Variants in PPM1H observed in about 807,000 individuals in gnomAD.
The protein encoded by PPM1H is protein phosphatase 1H.
A neutral mutation model predicts 54.9 loss-of-function variants in PPM1H; 27 were observed. That is an observed-to-expected ratio of 0.49 (90% CI 0.36 to 0.68). PPM1H has a LOEUF of 0.68. Ranked by LOEUF, PPM1H falls within the 30% of genes least tolerant of loss-of-function variation. PPM1H has a pLI of 0.00. For synonymous variants in PPM1H, 305 were observed against 270.8 expected, an observed-to-expected ratio of 1.13 and a Z score of -1.24; for missense variants, 596 against 667.8, an observed-to-expected ratio of 0.89 and a Z score of 1.19.
At chr12:62,719,509 A>T (rs2076252680) in intron 6 of PPM1H, among the ~76,000 whole-genome samples, 1 of 152,206 alleles carries the variant, frequency 6.6e-6, no homozygotes, top group African/African-American at 2.4e-5. Flanking sequence ...CATATCTATC[A>T]GTCAGATAAA....
intron 1 of PPM1H, among the ~76,000 whole-genome samples, chr12:62,879,016 T>C (rs1870294127): frequency 6.6e-6 from 1 of 152,254 alleles, no homozygotes; most frequent in Admixed American, 6.5e-5. Flanking sequence ...TCAGAGCACC[T>C]GCGATGGCAA....
At chr12:62,874,567 C>A (rs1870096937) in intron 1 of PPM1H, among the ~76,000 whole-genome samples, 1 of 152,036 alleles carries the variant, frequency 6.6e-6, no homozygotes, top group Non-Finnish European at 1.5e-5. Context: ...TCCCCAAAGA[C>A]CACTGCAACA....
intron 9 of PPM1H, among the ~76,000 whole-genome samples, chr12:62,658,182 ATTTTTTTTTTTTTTTT>A (rs1173229360): frequency 3.4e-5 from 3 of 87,556 alleles, no homozygotes; most frequent in Non-Finnish European, 6.6e-5. Context: ...AACACGGTGA[ATTTTTTTTTTTTTTTT>A]TTTTTTTTTT....
At chr12:62,857,014 T>C (rs1455333462) in intron 1 of PPM1H, among the ~76,000 whole-genome samples, 1 of 152,196 alleles carries the variant, frequency 6.6e-6, no homozygotes, top group Admixed American at 6.5e-5. Flanking sequence ...GTCTAATGTG[T>C]ATATGTGATC....
intron 1 of PPM1H, among the ~76,000 whole-genome samples, chr12:62,864,490 A>G (rs1014585194): frequency 3.3e-5 from 5 of 152,230 alleles, no homozygotes; most frequent in African/African-American, 2.4e-5. Context: ...ATAGAATTTT[A>G]GCTTTGCAGG....
chr12:62,903,593 A>G (rs906723930), intron 1 of PPM1H, among the ~76,000 whole-genome samples: 1 of 152,226 alleles, frequency 6.6e-6, no homozygotes, highest in African/African-American at 2.4e-5. Context: ...ACACTCAGAC[A>G]GAAAATCATG....
At chr12:62,729,490 G>C (rs148870288) in intron 5 of PPM1H, among the ~76,000 whole-genome samples, 85 of 152,324 alleles carry the variant, frequency 5.6e-4, no homozygotes, top group African/African-American at 1.9e-3. Context: ...ACTTTTCAGT[G>C]AATTATATGT....
At position 62,932,625 on chromosome 12, in the gene PPM1H, G is replaced by A. The variant is rs894241175; in HGVS notation, c.245+1867C>T. Among the ~76,000 whole-genome samples, 21 of 33,410 alleles carry A rather than the reference G, an allele frequency of 6.3e-4. No homozygotes were observed. In the South Asian group the frequency reaches 0.017, roughly 27 times the overall value. The allele number at this position is 33,410 out of a possible 152,430, so 21.9% of individuals were successfully genotyped here. On this transcript the variant is annotated intron_variant, in intron 1 of 9. Coordinates refer to ENST00000228705, the MANE Select transcript of PPM1H (RefSeq NM_020700.2). ...TTGCTGTCTCGTAAAGGGTCCAAATGGGCTTTTTTTTTTTTTTTTTTTTTT... is the reference window on the plus strand; with the variant it reads ...TTGCTGTCTCGTAAAGGGTCCAAATAGGCTTTTTTTTTTTTTTTTTTTTTT...
intron 1 of PPM1H, among the ~76,000 whole-genome samples, chr12:62,852,339 G>A (rs1429807506): frequency 2.6e-5 from 4 of 151,860 alleles, no homozygotes; most frequent in African/African-American, 9.7e-5. Context: ...ACCCCTGGGA[G>A]CTCTCTGGCT....
In PPM1H at chr12:62,934,717, GATTTCA is replaced by G. The variant is rs1872268813; in HGVS notation, c.14_19del (p.Val5_Ser7delinsAla). ...GCCGCCCATGAAATTGGCCACGGCA[GATTTCA>G]CTCGAGTGAGCATATTACTCCGGCG... On this transcript the variant is annotated inframe_deletion, in exon 1 of 10. Coordinates refer to ENST00000228705, the MANE Select transcript of PPM1H (RefSeq NM_020700.2). The surrounding 1 kb of genome is among the most constrained non-coding windows in gnomAD (Gnocchi z 4.2). The G allele has an allele frequency of 2.5e-6, 4 of 1,603,464 alleles. No homozygotes were observed. In the East Asian group the frequency reaches 9.0e-5, roughly 36 times the overall value.
At chr12:62,831,216 TTTTTA>T (rs2120854162) in intron 2 of PPM1H, among the ~76,000 whole-genome samples, 1 of 152,206 alleles carries the variant, frequency 6.6e-6, no homozygotes, top group Admixed American at 6.5e-5. Flanking sequence ...CCTATGAAAA[TTTTTA>T]CACAAAAATA....
intron 6 of PPM1H, among the ~76,000 whole-genome samples, chr12:62,698,645 A>G (rs2076126801): frequency 1.3e-5 from 2 of 152,068 alleles, no homozygotes; most frequent in African/African-American, 2.4e-5. Flanking sequence ...AAAAAAAATT[A>G]TTACTTCTTT....
At chr12:62,918,811 T>C (rs748645830) in intron 1 of PPM1H, among the ~76,000 whole-genome samples, 20 of 152,206 alleles carry the variant, frequency 1.3e-4, no homozygotes, top group Non-Finnish European at 2.6e-4. Context: ...AGTGACTCCA[T>C]TTGAAGTGAA....
intron 2 of PPM1H, among the ~76,000 whole-genome samples, chr12:62,829,909 T>C (rs1302283224): frequency 6.6e-6 from 1 of 152,204 alleles, no homozygotes; most frequent in Non-Finnish European, 1.5e-5. Context: ...AAAATATCAG[T>C]GGAAAGAGCA....
intron 3 of PPM1H, among the ~76,000 whole-genome samples, chr12:62,792,490 C>T (rs1297454924): frequency 6.6e-6 from 1 of 152,232 alleles, no homozygotes; most frequent in Non-Finnish European, 1.5e-5. Flanking sequence ...GCGTTTGCCA[C>T]TTCCCTCCCC....
chr12:62,919,095 T>C (rs1220785659), intron 1 of PPM1H, among the ~76,000 whole-genome samples: 5 of 152,186 alleles, frequency 3.3e-5, no homozygotes, highest in Admixed American at 3.3e-4. Context: ...AAAATAATAG[T>C]CTCAGCATGA....
At chr12:62,829,116 G>T (rs1215458735) in intron 2 of PPM1H, among the ~76,000 whole-genome samples, 1 of 152,124 alleles carries the variant, frequency 6.6e-6, no homozygotes, top group African/African-American at 2.4e-5. Flanking sequence ...CAAAAGAATT[G>T]AAAGCAGGGA....
intron 1 of PPM1H, among the ~76,000 whole-genome samples, chr12:62,871,350 C>T (rs1014075393): frequency 4.6e-5 from 7 of 152,040 alleles, no homozygotes; most frequent in Admixed American, 3.9e-4. Context: ...TCCATAGAGA[C>T]AGCAAGTAGA....
At chr12:62,783,861 C>T (rs1210630589) in intron 4 of PPM1H, among the ~76,000 whole-genome samples, 2 of 152,168 alleles carry the variant, frequency 1.3e-5, no homozygotes, top group Non-Finnish European at 2.9e-5. Flanking sequence ...GTGGTAATGG[C>T]TTTGCTTCCT....
Sources: gnomAD v4.1 joint callset for allele counts (sites outside exome capture counted in the v4.1 genomes callset) on GRCh38, gnomAD v4.1.1 for gene constraint, Gnocchi (gnomAD v3.1) non-coding constraint, MANE v1.5 for transcripts, NCBI Gene and HGNC (gene_info 2026-07-23, HGNC 2026-07-21) for gene names.